The following BCOR variants were observed in gnomAD, a reference collection of about 807,000 sequenced individuals.
BCOR encodes BCL-6 corepressor.
A neutral mutation model predicts 86.7 loss-of-function variants in BCOR; 10 were observed. The observed-to-expected ratio is 0.12, with a 90% CI of 0.07 to 0.20. BCOR has a LOEUF of 0.20. Among genes scored for constraint, BCOR ranks in the 10% least tolerant of loss-of-function variants. The pLI, the probability that BCOR is intolerant of heterozygous loss-of-function variation, is 1.00. For missense variants in BCOR, 1,259 were observed against 1,452.1 expected, an observed-to-expected ratio of 0.87 and a Z score of 2.16; for synonymous variants, 611 against 609.0, an observed-to-expected ratio of 1.00 and a Z score of -0.05.
chrX:40,119,244 G>GT (rs770429555), intron 1 of BCOR, among the ~76,000 whole-genome samples: 7,555 of 91,974 alleles, frequency 0.082, 329 homozygotes, highest in Non-Finnish European at 0.12. Flanking sequence ...TTTGGGTGTT[G>GT]TTTTTTTTTT....
intron 1 of BCOR, among the ~76,000 whole-genome samples, chrX:40,120,761 T>C (rs1937472946): frequency 8.9e-6 from 1 of 112,186 alleles, no homozygotes; most frequent in African/African-American, 3.2e-5. Context: ...AGATGGGCGA[T>C]AAGCAATAAA....
rs756160189 is a variant in BCOR at position 40,063,759 on chromosome X, T to C, written c.3696A>G (p.Gln1232=). ...VSAADGKPGR[Q]SRKEVTQATQ... ...TGGCCTGGGTCACTTCCTTCCTGCT[T>C]TGCCGGCCAGGTTTGCCATCTGCTG... Residue 1232 remains glutamine, a synonymous_variant, in exon 8 of 15, where the codon CAA becomes CAG. Transcript: ENST00000378444. 2 of 1,211,935 alleles carry C rather than the reference T, an allele frequency of 1.7e-6. No homozygotes were observed. Among genetic ancestry groups the C allele is most frequent in the African/African-American group, 3.5e-5 (2 of 57,794 alleles).
chrX:40,064,256 A>G (rs1362903396), intron 7 of BCOR, 80 bp downstream of exon 7: 1 of 1,181,195 alleles, frequency 8.5e-7, no homozygotes, highest in African/African-American at 1.7e-5. Flanking sequence ...CGCGCCGCAC[A>G]TCCACATCTC....
chrX:40,092,209 G>T (rs1936649965), intron 1 of BCOR, among the ~76,000 whole-genome samples: 1 of 112,003 alleles, frequency 8.9e-6, no homozygotes, highest in Admixed American at 9.3e-5. Context: ...TCCGGGGAAC[G>T]TCCTGCGGGC....
At chrX:40,176,437 G>A (rs945675849) in intron 1 of BCOR, among the ~76,000 whole-genome samples, 10 of 112,532 alleles carry the variant, frequency 8.9e-5, no homozygotes, top group Non-Finnish European at 1.5e-4. Flanking sequence ...AGGCGGGGAT[G>A]GCGGTTCCGG....
chrX:40,096,783 C>G (rs928094654), intron 1 of BCOR, among the ~76,000 whole-genome samples: 5 of 112,407 alleles, frequency 4.4e-5, no homozygotes, highest in Non-Finnish European at 9.4e-5. Flanking sequence ...ACCCGCTGCC[C>G]TCCCCTTCCT....
At chrX:40,072,225 T>C (rs887841408) in intron 4 of BCOR, 124 bp downstream of exon 4, 2 of 732,990 alleles carry the variant, frequency 2.7e-6, no homozygotes, top group Non-Finnish European at 4.1e-6. Flanking sequence ...TATATTCAAA[T>C]TACCACAAGC....
rs186305515 is a variant in BCOR, at chrX:40,083,062, G to A, written c.-40-5093C>T. ...CGTCACAGCAGCAGCGCTGTGCTCC[G>A]GGTGTCAAGGAAGGGAGGGGTGAAG... On this transcript the variant is annotated intron_variant, in intron 1 of 14. Coordinates refer to ENST00000378444, the MANE Select transcript of BCOR (RefSeq NM_001123385.2). 2.2e-3 allele frequency among the ~76,000 whole-genome samples: 241 copies of A among 108,510 alleles called. 1 individual carries two copies. Among genetic ancestry groups the A allele is most frequent in the African/African-American group, 7.7e-3 (228 of 29,657 alleles). The allele number at this position is 108,510 out of a possible 115,157, so 94.2% of individuals were successfully genotyped here. A position where few individuals can be genotyped will look rare whatever the true frequency, so the allele number is the denominator to read the frequency against.
chrX:40,108,430 C>G (rs1569181762), intron 1 of BCOR, among the ~76,000 whole-genome samples: 1 of 113,625 alleles, frequency 8.8e-6, no homozygotes, highest in Non-Finnish European at 1.9e-5. Context: ...AACTCCCAAG[C>G]GAGGCCTGGA....
At chrX:40,170,376 A>T (rs187242019) in intron 1 of BCOR, among the ~76,000 whole-genome samples, 16 of 102,431 alleles carry the variant, frequency 1.6e-4, no homozygotes, top group African/African-American at 5.5e-4. Context: ...TTTGAGACGG[A>T]GTTTCGCTCT....
chrX:40,151,271 G>A (rs1276429459), intron 1 of BCOR, among the ~76,000 whole-genome samples: 1 of 112,680 alleles, frequency 8.9e-6, no homozygotes, highest in African/African-American at 3.2e-5. Flanking sequence ...ATGCCCAAGT[G>A]CTGACAGGGA....
At position 40,071,179 on chromosome X, in the gene BCOR, G is replaced by A. The variant is rs1569154010; in HGVS notation, c.3052-20C>T. On this transcript the variant is annotated intron_variant, in intron 5 of 14. Transcript: ENST00000378444. Reference sequence around the variant, plus strand: ...TGCACGCTAGAAAGAGAACGGAGATGGAAAAAAAAAAAAACAACACCTTAC... The same window carrying A: ...TGCACGCTAGAAAGAGAACGGAGATAGAAAAAAAAAAAAACAACACCTTAC... 9.0e-7 allele frequency: 1 copy of A among 1,113,929 alleles called. No homozygotes were observed. Among genetic ancestry groups the A allele is most frequent in the Middle Eastern group, 2.5e-4 (1 of 3,952 alleles). 91.8% of individuals were successfully genotyped at this position (1,113,929 alleles called of 1,213,427 possible). A position where few individuals can be genotyped will look rare whatever the true frequency, so the allele number is the denominator to read the frequency against.
chrX:40,111,435 A>T (rs1488489983), intron 1 of BCOR, among the ~76,000 whole-genome samples: 1 of 112,337 alleles, frequency 8.9e-6, no homozygotes, highest in South Asian at 3.6e-4. Context: ...AAAATCAGCT[A>T]GTCATGAAGT....
chrX:40,132,095 G>T (rs1359289925), intron 1 of BCOR, among the ~76,000 whole-genome samples: 2 of 111,742 alleles, frequency 1.8e-5, no homozygotes, highest in Middle Eastern at 4.2e-3. Flanking sequence ...CTACTGCCAT[G>T]GCAGAGACTC....
At chrX:40,080,815 CGTGTGTGTGTGTGTGTGTGTGTGTGTGT>C (rs533981374) in intron 1 of BCOR, among the ~76,000 whole-genome samples, 1,057 of 66,007 alleles carry the variant, frequency 0.016, 15 homozygotes, top group African/African-American at 0.051. Flanking sequence ...GGTTCACTGT[CGTGTGTGTGTGTGTGTGTGTGTGTGTGT>C]GTGTGTGTGT....
intron 1 of BCOR, among the ~76,000 whole-genome samples, chrX:40,084,710 C>CCCCACCA (rs1555923364): frequency 2.0e-5 from 2 of 98,800 alleles, no homozygotes; most frequent in African/African-American, 9.3e-5. Context: ...GCCACCCCCC[C>CCCCACCA]CCACCACCAC....
Position 40,064,328 on chromosome X carries a change from G to T in BCOR, c.3502+8C>A. On this transcript the variant is annotated splice_region_variant and intron_variant, in intron 7 of 14. Coordinates refer to ENST00000378444, the MANE Select transcript of BCOR (RefSeq NM_001123385.2). The stretch of plus-strand genomic sequence containing the variant: ...CCCCGGCAGGCGGGCGAAGCAGACA[G>T]GGCTCACCTTTAGAGACTCGTCGGC... 4.9e-6 allele frequency: 6 copies of T among 1,212,395 alleles called. No homozygotes were observed. Among genetic ancestry groups the T allele is most frequent in the Non-Finnish European group, 6.7e-6 (6 of 895,651 alleles).
chrX:40,161,502 TCC>T (rs1234752964), intron 1 of BCOR, among the ~76,000 whole-genome samples: 1 of 83,719 alleles, frequency 1.2e-5, no homozygotes. Context: ...AGGCCGATTC[TCC>T]CCTTTTTTTT....
rs1035109629 is a variant in BCOR at position 40,129,555 on chromosome X, C to A, written c.-41+47452G>T. ...CAGGCCTCAGTGGCAGGGCTGGGGC[C>A]AGGCCAGGTATATAAGTAGAAGGAA... is the stretch of plus-strand genomic sequence containing the variant. On this transcript the variant is annotated intron_variant, in intron 1 of 14. Coordinates refer to the BCOR transcript ENST00000342274. Among the ~76,000 whole-genome samples, 6 of 109,441 alleles carry A rather than the reference C, an allele frequency of 5.5e-5. No individual in the cohort carries two copies. The East Asian group carries it at 8.6e-4, about 16-fold the overall frequency.
Sources: allele counts gnomAD v4.1 joint callset (sites outside exome capture counted in the v4.1 genomes callset), GRCh38; gene constraint gnomAD v4.1.1; transcripts MANE v1.5; gene names NCBI Gene and HGNC (gene_info 2026-07-23, HGNC 2026-07-21).